The following GLB1 variants were observed in gnomAD, a reference collection of about 807,000 sequenced individuals.
The protein encoded by GLB1 is beta-galactosidase.
GLB1 carries 56 observed loss-of-function variants against 74.0 expected under a neutral mutation model. The observed-to-expected ratio is 0.76, with a 90% CI of 0.61 to 0.94. The LOEUF (loss-of-function observed/expected upper bound fraction) is 0.94. GLB1 is among the 40% of genes least tolerant of loss of function. The probability of loss-of-function intolerance (pLI) is 0.00; values close to 1 mark genes in which losing one functional copy is unlikely to be tolerated. For synonymous variants in GLB1, 323 were observed against 323.6 expected (o/e 1.00, Z 0.02); for missense variants, 787 against 845.5 (o/e 0.93, Z 0.86).
chr3:32,982,573 T>C, the GLB1 span, among the ~76,000 whole-genome samples: 1 of 152,144 alleles, frequency 6.6e-6, no homozygotes, highest in Non-Finnish European at 1.5e-5. Flanking sequence ...GTTCCTGTCT[T>C]ATAGTTCTTG....
intron 1 of GLB1, chr3:33,094,094 G>T (rs766377963): frequency 1.2e-6 from 2 of 1,614,242 alleles, no homozygotes; most frequent in Non-Finnish European, 1.7e-6. Context: ...TGAGCTCAAG[G>T]CTCTCTGCCA....
In GLB1 at chr3:33,097,034, G is replaced by GA. The variant is rs398123356; in HGVS notation, c.51dup (p.Leu18SerfsTer16). The GA allele has an allele frequency of 1.9e-6, 3 of 1,612,324 alleles. No individual in the cohort carries two copies. The African/African-American group carries it at 4.0e-5, about 22-fold the overall frequency. ...ACGCGCAAGCCGCGCGTAGGGCCCA[G>GA]AAGCAGCAGAACCAGCAACAGAGGG... On this transcript the variant is annotated frameshift_variant, in exon 1 of 16. Transcript: ENST00000307363. LOFTEE classifies it high-confidence loss of function.
chr3:32,975,383 G>A, the GLB1 span, among the ~76,000 whole-genome samples: 2 of 152,068 alleles, frequency 1.3e-5, no homozygotes, highest in East Asian at 3.9e-4. Context: ...TACTGCCCCT[G>A]GCTGGGTCTG....
chr3:32,991,288 T>A, the GLB1 span, among the ~76,000 whole-genome samples: 1 of 152,210 alleles, frequency 6.6e-6, no homozygotes, highest in African/African-American at 2.4e-5. Flanking sequence ...ACAGGCTAAA[T>A]GAACCACTTA....
intron 10 of GLB1, among the ~76,000 whole-genome samples, chr3:33,044,090 C>T (rs1010389292): frequency 3.3e-5 from 5 of 152,118 alleles, no homozygotes; most frequent in African/African-American, 1.2e-4. Flanking sequence ...TAAACTTAAT[C>T]TGATGAACAT....
intron 12 of GLB1, chr3:33,021,344 G>C (rs187696306): frequency 3.5e-4 from 208 of 591,904 alleles, no homozygotes; most frequent in Non-Finnish European, 5.3e-4. Context: ...GCTACCTCCT[G>C]TATGAGTGAG....
intron 14 of GLB1, 82 bp downstream of exon 14, chr3:33,016,627 C>T: frequency 1.9e-6 from 3 of 1,596,664 alleles, no homozygotes; most frequent in African/African-American, 1.3e-5. Flanking sequence ...GCTGAGATTA[C>T]AGGTGTGAGC....
chr3:33,054,847 G>C (rs912473744), intron 6 of GLB1, among the ~76,000 whole-genome samples: 1 of 152,158 alleles, frequency 6.6e-6, no homozygotes, highest in Non-Finnish European at 1.5e-5. Flanking sequence ...ACTGGGGAAA[G>C]AGGAAGCATG....
intron 12 of GLB1, chr3:33,021,200 A>G: frequency 3.2e-6 from 1 of 309,420 alleles, no homozygotes; most frequent in Non-Finnish European, 6.2e-6. Flanking sequence ...CATTGAACTA[A>G]GAACAAATAA....
At chr3:33,084,613 G>A (rs892924033) in intron 1 of GLB1, among the ~76,000 whole-genome samples, 5 of 152,130 alleles carry the variant, frequency 3.3e-5, no homozygotes, top group Admixed American at 2.0e-4. Context: ...GAGGAGAAGC[G>A]AGCACAGCTT....
chr3:33,051,766 T>C lies in GLB1; in HGVS notation c.947A>G (p.Tyr316Cys), dbSNP rs72555361. The C allele has an allele frequency of 1.2e-6, 2 of 1,614,136 alleles. No homozygotes were observed. The highest frequency in any genetic ancestry group is 1.7e-6 in the Non-Finnish European group (2 of 1,180,024). Residue 316 changes from tyrosine to cysteine, a missense_variant, in exon 9 of 16, where the codon TAT becomes TGT. By Grantham distance (194) the Tyr-to-Cys change is radical. Transcript: ENST00000307363. ...YMFIGGTNFAYWNGANSPYAA... is the reference protein window; with the variant it reads ...YMFIGGTNFACWNGANSPYAA... The stretch of plus-strand genomic sequence containing the variant: ...TATTAAAGTGCTCTTACCATTCCAA[T>C]AGGCAAAATTGGTCCCACCTATAAA...
the GLB1 span, among the ~76,000 whole-genome samples, chr3:32,986,041 A>G: frequency 6.6e-6 from 1 of 152,238 alleles, no homozygotes; most frequent in Admixed American, 6.5e-5. Flanking sequence ...TGCTTTAAAA[A>G]TTAAAATGTG....
intron 10 of GLB1, among the ~76,000 whole-genome samples, chr3:33,035,753 AACTG>A (rs1230290480): frequency 6.6e-6 from 1 of 152,180 alleles, no homozygotes. Flanking sequence ...TTGTAGCTCA[AACTG>A]ACTAAGACAC....
chr3:33,053,854 A>G (rs947443666), intron 6 of GLB1, among the ~76,000 whole-genome samples: 27 of 152,168 alleles, frequency 1.8e-4, no homozygotes, highest in African/African-American at 6.5e-4. Context: ...CTCTACTAAA[A>G]ATACAAAAAT....
At chr3:33,055,813 A>G (rs994235838) in intron 6 of GLB1, among the ~76,000 whole-genome samples, 51 of 151,704 alleles carry the variant, frequency 3.4e-4, no homozygotes, top group African/African-American at 1.1e-3. Flanking sequence ...TTTTGCACCA[A>G]CCTAACCAAC....
At chr3:32,998,567 C>T (rs1031736663) in intron 15 of GLB1, among the ~76,000 whole-genome samples, 2 of 151,346 alleles carry the variant, frequency 1.3e-5, no homozygotes, top group African/African-American at 4.9e-5. Context: ...CAACAGCTGG[C>T]TGAATAGATG....
At chr3:33,054,100 C>T (rs1280857436) in intron 6 of GLB1, among the ~76,000 whole-genome samples, 1 of 152,070 alleles carries the variant, frequency 6.6e-6, no homozygotes, top group East Asian at 1.9e-4. Context: ...GAGGGCACAG[C>T]AAGAAGGCAC....
the GLB1 span, among the ~76,000 whole-genome samples, chr3:32,982,309 G>C: frequency 7.0e-5 from 9 of 127,912 alleles, no homozygotes; most frequent in African/African-American, 2.5e-4. Context: ...GCGAAACTCC[G>C]TCTCCAAAAA....
At chr3:32,977,514 T>C in the GLB1 span, among the ~76,000 whole-genome samples, 1 of 152,034 alleles carries the variant, frequency 6.6e-6, no homozygotes, top group Non-Finnish European at 1.5e-5. Flanking sequence ...GGCCAAATCT[T>C]ATCTAGATTT....
Sources: gnomAD v4.1 joint callset for allele counts (sites outside exome capture counted in the v4.1 genomes callset) on GRCh38, gnomAD v4.1.1 for gene constraint, MANE v1.5 for transcripts, NCBI Gene and HGNC (gene_info 2026-07-23, HGNC 2026-07-21) for gene names.